The following CROCC variants were observed in gnomAD, a reference collection of about 807,000 sequenced individuals.
CROCC encodes rootletin.
In CROCC, 180 loss-of-function variants were observed where a neutral mutation model predicts 245.2. The observed-to-expected ratio is 0.73, with a 90% confidence interval of 0.65 to 0.83. The LOEUF (loss-of-function observed/expected upper bound fraction) is 0.83. CROCC is among the 40% of genes least tolerant of loss of function. The pLI is 0.00. For missense variants in CROCC, 2,688 were observed against 2,779.4 expected, an observed-to-expected ratio of 0.97 and a Z score of 0.74; for synonymous variants, 1,205 against 1,241.6, an observed-to-expected ratio of 0.97 and a Z score of 0.62.
At chr1:16,958,004 G>A (rs2076274533) in intron 25 of CROCC, among the ~76,000 whole-genome samples, 1 of 148,064 alleles carries the variant, frequency 6.8e-6, no homozygotes, top group Admixed American at 6.8e-5. Flanking sequence ...ACCCCTCCCT[G>A]CTCCTGTGGG....
intron 3 of CROCC, among the ~76,000 whole-genome samples, chr1:16,928,517 T>A (rs1396906597): frequency 1.3e-5 from 2 of 150,988 alleles, no homozygotes; most frequent in Non-Finnish European, 3.0e-5. Flanking sequence ...TAAGATGGAG[T>A]CTTGGGCCGG....
intron 3 of CROCC, 132 bp downstream of exon 3, chr1:16,924,611 C>A: frequency 2.4e-6 from 3 of 1,230,870 alleles, no homozygotes; most frequent in Non-Finnish European, 3.4e-6. Flanking sequence ...TGGATTGAGG[C>A]TCTGCCACCT....
intron 26 of CROCC, among the ~76,000 whole-genome samples, chr1:16,959,957 A>C (rs1045580817): frequency 4.0e-5 from 6 of 151,522 alleles, no homozygotes; most frequent in African/African-American, 1.5e-4. Context: ...TAAAAACAAA[A>C]AACAAAAAAA....
At position 16,958,003 on chromosome 1, in the gene CROCC, T is replaced by A. The variant is rs76074825; in HGVS notation, c.3865-580T>A. ...GGGGGAGGTAGGCAGTACCCCTCCC[T>A]GCTCCTGTGGGGAAATAGGGGCTTA... On this transcript the variant is annotated intron_variant, in intron 25 of 36. Transcript: ENST00000375541. Among the ~76,000 whole-genome samples, 26 of 151,852 alleles carry A rather than the reference T, an allele frequency of 1.7e-4. No homozygotes were observed. In the East Asian group the frequency reaches 3.3e-3, roughly 19 times the overall value.
rs756366820 is a variant in CROCC, at chr1:16,930,142, A to T, written c.556A>T (p.Arg186Trp). The T allele has an allele frequency of 1.3e-6, 2 of 1,594,512 alleles. No individual in the cohort carries two copies. The highest frequency in any genetic ancestry group is 1.7e-6 in the Non-Finnish European group (2 of 1,171,054). ...TCCCCAGATTCTCCAGTACAAGAAG[A>T]GGTGCTCGGAGCTGGAGCAGCAGCT... ...LQGKILQYKK[R>W]CSELEQQLLE... Residue 186 changes from arginine (R) to tryptophan (W), a missense_variant, in exon 5 of 37, where the codon AGG (arginine) becomes TGG (tryptophan). By Grantham distance (101) the Arg-to-Trp change is moderately radical. Coordinates refer to ENST00000375541, the MANE Select transcript of CROCC (RefSeq NM_014675.5).
Position 16,952,123 on chromosome 1 carries a change from G to A in CROCC, c.3006+1001G>A, listed in dbSNP as rs549402538. Among the ~76,000 whole-genome samples the A allele has an allele frequency of 3.3e-4, 50 of 151,180 alleles. 1 individual carries two copies. The South Asian group carries it at 0.01, about 32-fold the overall frequency. ...CAGGGTGTCTCGAACTTTTGACCTC[G>A]TAATCTGCCCACCTCGGCCTCCCAA... On this transcript the variant is annotated intron_variant, in intron 20 of 36. Transcript: ENST00000375541.
In CROCC at chr1:16,954,692, G is replaced by A; in HGVS notation, c.3322-42G>A. ...CGGGTTGGGAGCAGCCCGGGGCTGG[G>A]GGACACAGCAGGACCAAGTCTGAGG... is the stretch of plus-strand genomic sequence containing the variant. On this transcript the variant is annotated intron_variant, in intron 22 of 36. Transcript: ENST00000375541. This position sits in a 1 kb window ranked among gnomAD's most constrained non-coding sequence, Gnocchi z 4.4. 6.6e-7 allele frequency: 1 copy of A among 1,514,578 alleles called. No homozygotes were observed. The highest frequency in any genetic ancestry group is 8.9e-7 in the Non-Finnish European group (1 of 1,125,456). The allele number at this position is 1,514,578 out of a possible 1,614,324, so 93.8% of individuals were successfully genotyped here.
At position 16,922,793 on chromosome 1, in the gene CROCC, G is replaced by T. The variant is rs1476795031; in HGVS notation, c.191G>T (p.Ser64Ile). 6.2e-7 allele frequency: 1 copy of T among 1,611,982 alleles called. No individual in the cohort carries two copies. Reference sequence around the variant, plus strand: ...ACCCGCAACCTCTCCCAGCCTGAGAGCCCAGGTGCCACCCCCATCCGCTCC... The same window carrying T: ...ACCCGCAACCTCTCCCAGCCTGAGATCCCAGGTGCCACCCCCATCCGCTCC... ...IVTRNLSQPESPVLLPATEMA... is the reference protein window; with the variant it reads ...IVTRNLSQPEIPVLLPATEMA... Residue 64 changes from serine to isoleucine, a missense_variant, in exon 2 of 37, where the codon AGC becomes ATC. Ser to Ile is a moderately radical substitution (Grantham distance 142). This residue lies in a region of CROCC where 972 missense variants were observed against 895.3 expected (regional missense o/e 1.09). Coordinates refer to ENST00000375541, the MANE Select transcript of CROCC (RefSeq NM_014675.5).
rs1371979321 is a variant in CROCC, at chr1:16,970,649, A to G, written c.5666A>G (p.Lys1889Arg). ...RRTLDKVERE[K>R]LRSHEDTVRL... ...TCTCCTGCCTAGGTGGAGCGGGAGA[A>G]GCTTCGTAGCCATGAGGACACAGTG... The change falls in exon 35 of 37, where the codon AAG (lysine) becomes AGG (arginine). Residue 1889 changes from lysine (K) to arginine (R), a missense_variant. By Grantham distance (26) the Lys-to-Arg change is conservative. Transcript: ENST00000375541. The G allele has an allele frequency of 6.4e-7, 1 of 1,556,038 alleles. No homozygotes were observed. Among genetic ancestry groups the G allele is most frequent in the Non-Finnish European group, 8.7e-7 (1 of 1,149,850 alleles).
At chr1:16,962,942 G>A (rs533455957) in intron 27 of CROCC, among the ~76,000 whole-genome samples, 60 of 151,868 alleles carry the variant, frequency 4.0e-4, no homozygotes, top group South Asian at 3.5e-3. Context: ...AGCACTCTGC[G>A]AGGCCGGAGC....
In CROCC at chr1:16,945,571, G is replaced by T; in HGVS notation, c.2101G>T (p.Ala701Ser). The change falls in exon 15 of 37, where the codon GCC becomes TCC. Residue 701 changes from alanine (A) to serine (S), a missense_variant. Transcript: ENST00000375541. ...RATLQRDMLQ[A>S]EKAEVAEALT... ...CACACTGCAACGGGACATGCTGCAG[G>T]CCGAGAAGGCCGAGGTGGCCGAGGC... The T allele has an allele frequency of 6.2e-7, 1 of 1,612,478 alleles. No homozygotes were observed. Among genetic ancestry groups the T allele is most frequent in the South Asian group, 1.1e-5 (1 of 90,936 alleles).
chr1:16,942,411 A>G (rs955709244), intron 13 of CROCC, among the ~76,000 whole-genome samples: 1 of 152,290 alleles, frequency 6.6e-6, no homozygotes. Flanking sequence ...GAAAAGTTTG[A>G]AAAATAGGAA....
chr1:16,970,909 C>T (rs1198724669), intron 35 of CROCC, 142 bp downstream of exon 35: 14 of 1,013,334 alleles, frequency 1.4e-5, no homozygotes, highest in Non-Finnish European at 1.9e-5. Context: ...ACCCAGCGGG[C>T]CATGGAGGGA....
intron 23 of CROCC, 118 bp from the exon 24 acceptor site, chr1:16,955,194 G>T (rs1347171769): frequency 3.2e-5 from 31 of 956,092 alleles, no homozygotes; most frequent in Non-Finnish European, 4.4e-5. Context: ...ACAGCCTGCG[G>T]TCTGAGCACT....
chr1:16,938,330 G>A (rs1005135134), intron 10 of CROCC, 70 bp from the exon 11 acceptor site: 1 of 1,413,370 alleles, frequency 7.1e-7, no homozygotes, highest in Non-Finnish European at 9.7e-7. Context: ...GGGCCAGGTA[G>A]GGAGGGAAAG....
rs1210965243 is a variant in CROCC at position 16,958,451 on chromosome 1, C to T, written c.3865-132C>T. ...AAGTTCAGTGTGGTTGTGTAGGGGC[C>T]GGCTCCCAGTGGATGTGGGGTGGTA... is the stretch of plus-strand genomic sequence containing the variant. On this transcript the variant is annotated intron_variant, in intron 25 of 36. Transcript: ENST00000375541. The T allele has an allele frequency of 1.3e-5, 14 of 1,115,824 alleles. No individual in the cohort carries two copies. The East Asian group carries it at 1.3e-4, about 10-fold the overall frequency. 69.1% of individuals were successfully genotyped at this position (1,115,824 alleles called of 1,614,324 possible). A position where few individuals can be genotyped will look rare whatever the true frequency, so the allele number is the denominator to read the frequency against.
At chr1:16,951,172 C>T in intron 20 of CROCC, 50 bp downstream of exon 20, 3 of 1,400,700 alleles carry the variant, frequency 2.1e-6, no homozygotes, top group Non-Finnish European at 2.8e-6. Context: ...AGTGTTTCAT[C>T]ATCGTTCTTG....
chr1:16,931,363 C>G lies in CROCC; in HGVS notation c.922C>G (p.Arg308Gly), dbSNP rs199797376. The change falls in exon 8 of 37, where the codon CGG becomes GGG. Residue 308 changes from arginine (R) to glycine (G), a missense_variant. Arg to Gly is a moderately radical substitution (Grantham distance 125). Around this residue, in one of 9 missense-constraint regions of CROCC, gnomAD observed 972 missense variants for 895.3 expected, o/e 1.09. Transcript: ENST00000375541. ...CTGGAGGCAGGTGGTGGGGTTCCGG[C>G]GGCTGGTCAGCGAGGTGAAGATGTT... ...LLWRQVVGFRRLVSEVKMFTE... is the reference protein window; with the variant it reads ...LLWRQVVGFRGLVSEVKMFTE... 1.2e-6 allele frequency: 2 copies of G among 1,612,230 alleles called. No individual in the cohort carries two copies. Among genetic ancestry groups the G allele is most frequent in the South Asian group, 1.1e-5 (1 of 90,944 alleles).
intron 27 of CROCC, among the ~76,000 whole-genome samples, chr1:16,964,752 GGAACACTGC>G (rs2076392180): frequency 1.3e-5 from 2 of 152,182 alleles, no homozygotes; most frequent in South Asian, 4.1e-4. Flanking sequence ...GGTTCGATTA[GGAACACTGC>G]GAGCTCCGCT....
Sources: gnomAD v4.1 joint callset for allele counts (sites outside exome capture counted in the v4.1 genomes callset) on GRCh38, gnomAD v4.1.1 for gene constraint, gnomAD v4.1.1 regional missense constraint, Gnocchi (gnomAD v3.1) non-coding constraint, MANE v1.5 for transcripts, NCBI Gene and HGNC (gene_info 2026-07-23, HGNC 2026-07-21) for gene names.